Variants in SCHIP1 observed in about 807,000 individuals in gnomAD.
SCHIP1 encodes schwannomin-interacting protein 1.
In SCHIP1, 8 loss-of-function variants were observed where a neutral mutation model predicts 29.7. That is an observed-to-expected ratio of 0.27 (90% CI 0.16 to 0.49). SCHIP1 has a LOEUF of 0.49. Among genes scored for constraint, SCHIP1 ranks in the 20% least tolerant of loss-of-function variants. The probability of loss-of-function intolerance (pLI) is 0.99; values close to 1 mark genes in which losing one functional copy is unlikely to be tolerated. For synonymous variants in SCHIP1, 76 were observed against 94.9 expected, an observed-to-expected ratio of 0.80 and a Z score of 1.16; for missense variants, 193 against 294.6, an observed-to-expected ratio of 0.66 and a Z score of 2.52.
At chr3:159,745,326 A>G in the SCHIP1 span, among the ~76,000 whole-genome samples, 2 of 152,218 alleles carry the variant, frequency 1.3e-5, no homozygotes, top group African/African-American at 4.8e-5. Flanking sequence ...GGTGTTTAAT[A>G]AAGAATCTGG....
At chr3:159,675,457 C>A in the SCHIP1 span, among the ~76,000 whole-genome samples, 3 of 152,176 alleles carry the variant, frequency 2.0e-5, no homozygotes, top group Admixed American at 2.0e-4. Flanking sequence ...AAATCATGGT[C>A]TTTGTTTTTC....
the SCHIP1 span, among the ~76,000 whole-genome samples, chr3:159,435,042 CATA>C: frequency 1.3e-5 from 2 of 152,110 alleles, no homozygotes; most frequent in African/African-American, 4.8e-5. Context: ...CATTTCTGTG[CATA>C]ATAACTATGT....
At chr3:159,581,614 T>A in the SCHIP1 span, among the ~76,000 whole-genome samples, 1 of 152,066 alleles carries the variant, frequency 6.6e-6, no homozygotes, top group Non-Finnish European at 1.5e-5. Context: ...AGCCTGACTA[T>A]CCACCCCTCT....
chr3:159,789,818 G>A, the SCHIP1 span, among the ~76,000 whole-genome samples: 1 of 152,190 alleles, frequency 6.6e-6, no homozygotes, highest in Non-Finnish European at 1.5e-5. Flanking sequence ...CAAACCTGAT[G>A]TGTAAAATAG....
chr3:159,511,416 C>T, the SCHIP1 span, among the ~76,000 whole-genome samples: 10 of 152,180 alleles, frequency 6.6e-5, no homozygotes, highest in East Asian at 1.9e-4. Flanking sequence ...TTGCGCTTCC[C>T]GGGTGAAGCA....
At chr3:159,853,521 A>G in intron 1 of SCHIP1, 1 of 627,626 alleles carries the variant, frequency 1.6e-6, no homozygotes, top group Non-Finnish European at 2.9e-6. Context: ...GAGAAAGATC[A>G]CCCTTGAGGA....
chr3:159,406,950 A>T, the SCHIP1 span, among the ~76,000 whole-genome samples: 1 of 152,160 alleles, frequency 6.6e-6, no homozygotes, highest in African/African-American at 2.4e-5. Flanking sequence ...AATCAGCTTC[A>T]CTAAAAGGAA....
the SCHIP1 span, among the ~76,000 whole-genome samples, chr3:159,530,655 C>T: frequency 9.9e-5 from 15 of 152,104 alleles, no homozygotes; most frequent in African/African-American, 3.4e-4. Context: ...TGGAGTGCTC[C>T]ACGGAAATAA....
chr3:159,436,145 A>G, the SCHIP1 span, among the ~76,000 whole-genome samples: 6 of 152,166 alleles, frequency 3.9e-5, no homozygotes, highest in African/African-American at 1.4e-4. Flanking sequence ...TGATTTAATC[A>G]GCATTGGTAT....
the SCHIP1 span, among the ~76,000 whole-genome samples, chr3:159,773,102 G>T: frequency 6.6e-6 from 1 of 152,236 alleles, no homozygotes; most frequent in African/African-American, 2.4e-5. Flanking sequence ...CTGAAGAGAT[G>T]AATGGTCTTG....
chr3:159,431,597 A>T, the SCHIP1 span, among the ~76,000 whole-genome samples: 6 of 152,226 alleles, frequency 3.9e-5, no homozygotes, highest in Admixed American at 6.5e-5. Flanking sequence ...GGGGTTAACA[A>T]TGAAAAGGAG....
chr3:159,636,430 G>A, the SCHIP1 span, among the ~76,000 whole-genome samples: 1 of 152,218 alleles, frequency 6.6e-6, no homozygotes, highest in Admixed American at 6.5e-5. Flanking sequence ...TTTCTCTGCT[G>A]AAGCTAATTG....
chr3:159,777,128 A>G, the SCHIP1 span, among the ~76,000 whole-genome samples: 2 of 152,238 alleles, frequency 1.3e-5, no homozygotes, highest in African/African-American at 4.8e-5. Context: ...AACTTTAAAC[A>G]TACATATACA....
chr3:159,612,613 G>A, the SCHIP1 span, among the ~76,000 whole-genome samples: 1 of 152,148 alleles, frequency 6.6e-6, no homozygotes, highest in Non-Finnish European at 1.5e-5. Context: ...CAGGTGTGGT[G>A]GCGGGCACCT....
the SCHIP1 span, among the ~76,000 whole-genome samples, chr3:159,526,927 A>G: frequency 6.6e-6 from 1 of 152,212 alleles, no homozygotes; most frequent in Non-Finnish European, 1.5e-5. Context: ...AGTGTTTGTC[A>G]GGGCAGAAAA....
the SCHIP1 span, among the ~76,000 whole-genome samples, chr3:159,733,235 C>T: frequency 4.6e-5 from 7 of 152,080 alleles, no homozygotes; most frequent in East Asian, 1.9e-4. Context: ...TTTTTTTCCT[C>T]CATGGTCTGG....
chr3:159,887,210 A>G (rs1395867079), intron 3 of SCHIP1: 1 of 154,822 alleles, frequency 6.5e-6, no homozygotes, highest in African/African-American at 2.4e-5. Flanking sequence ...CCATTACAGA[A>G]GTTGGCTGAA....
chr3:159,502,837 A>G, the SCHIP1 span, among the ~76,000 whole-genome samples: 3 of 152,244 alleles, frequency 2.0e-5, no homozygotes, highest in African/African-American at 7.2e-5. Flanking sequence ...GGCCAAGTGC[A>G]GGCGTATTTG....
chr3:159,304,753 C>T, the SCHIP1 span, among the ~76,000 whole-genome samples: 1 of 152,160 alleles, frequency 6.6e-6, no homozygotes, highest in East Asian at 1.9e-4. Flanking sequence ...ATCTTTGCCA[C>T]CTGGGAATAT....
Sources: allele counts gnomAD v4.1 joint callset (sites outside exome capture counted in the v4.1 genomes callset), GRCh38; gene constraint gnomAD v4.1.1; transcripts MANE v1.5; gene names NCBI Gene and HGNC (gene_info 2026-07-23, HGNC 2026-07-21).